Variants in ZCWPW2 observed in about 807,000 individuals in gnomAD.
ZCWPW2 encodes zinc finger CW-type PWWP domain protein 2.
In ZCWPW2, 45 loss-of-function variants were observed where a neutral mutation model predicts 46.6. The observed-to-expected ratio is 0.96, with a 90% CI of 0.76 to 1.24. ZCWPW2 has a LOEUF of 1.24. Among genes scored for constraint, ZCWPW2 ranks in the 50% most tolerant of loss-of-function variants. ZCWPW2 has a pLI of 0.00. For synonymous variants in ZCWPW2, 152 were observed against 137.1 expected (o/e 1.11, Z -0.76); for missense variants, 429 against 403.9 (o/e 1.06, Z -0.53).
Position 28,481,265 on chromosome 3 carries a change from A to T in ZCWPW2, c.610+2334A>T, listed in dbSNP as rs530689229. On this transcript the variant is annotated intron_variant, in intron 5 of 9. Transcript: ENST00000383768. ...AACTTTTATTTATTTATTTTTTTAG[A>T]TGGAGTCTCGCTCTGTTGCCCAGGC... 2.6e-5 allele frequency among the ~76,000 whole-genome samples: 4 copies of T among 152,004 alleles called. No homozygotes were observed. The South Asian group carries it at 8.3e-4, about 32-fold the overall frequency.
At position 28,382,388 on chromosome 3, in the gene ZCWPW2, C is replaced by T. The variant is rs555472867; in HGVS notation, c.-133-8110C>T. On this transcript the variant is annotated intron_variant, in intron 1 of 9. Coordinates refer to ENST00000383768, the MANE Select transcript of ZCWPW2 (RefSeq NM_001040432.4). ...GTCTGTGTCCAAATTTCCTCTTCTT[C>T]CAAGGACACTAGACATATTGGATTA... Among the ~76,000 whole-genome samples, 6 of 152,164 alleles carry T rather than the reference C, an allele frequency of 3.9e-5. No homozygotes were observed. The East Asian group carries it at 1.2e-3, about 30-fold the overall frequency.
chr3:28,396,201 C>T (rs961249169), intron 2 of ZCWPW2, among the ~76,000 whole-genome samples: 2 of 152,026 alleles, frequency 1.3e-5, no homozygotes, highest in Non-Finnish European at 2.9e-5. Flanking sequence ...CACAGAGGTC[C>T]TCTAGAGATT....
chr3:28,420,842 C>G (rs1254805591), intron 3 of ZCWPW2, among the ~76,000 whole-genome samples: 1 of 151,952 alleles, frequency 6.6e-6, no homozygotes, highest in Non-Finnish European at 1.5e-5. Context: ...AGTTCATTTT[C>G]TCTCTGTTGT....
In ZCWPW2 at chr3:28,484,345, G is replaced by A. The variant is rs570961655; in HGVS notation, c.610+5414G>A. On this transcript the variant is annotated intron_variant, in intron 5 of 9. Coordinates refer to ENST00000383768, the MANE Select transcript of ZCWPW2 (RefSeq NM_001040432.4). ...GCTTATATCTTCTGGAAAAGGTTAC[G>A]GAGAATTGGCATAATTTCTTCCTAT... Among the ~76,000 whole-genome samples, 7 of 152,162 alleles carry A rather than the reference G, an allele frequency of 4.6e-5. No individual in the cohort carries two copies. In the East Asian group the frequency reaches 5.8e-4, roughly 13 times the overall value.
rs138501437 is a variant in ZCWPW2, at chr3:28,508,637, C to T, written c.658-5427C>T. Among the ~76,000 whole-genome samples the T allele has an allele frequency of 1.8e-4, 27 of 152,210 alleles. No individual in the cohort carries two copies. In the East Asian group the frequency reaches 4.6e-3, roughly 26 times the overall value. ...GGTTCAAGCAATTCTCGTGCTTCAG[C>T]CTCCTGAGTAGCTTCAGCCTCCTGA... On this transcript the variant is annotated intron_variant, in intron 6 of 9. Transcript: ENST00000383768.
intron 2 of ZCWPW2, among the ~76,000 whole-genome samples, chr3:28,407,138 A>G (rs1255353423): frequency 1.3e-5 from 2 of 152,030 alleles, no homozygotes; most frequent in East Asian, 1.9e-4. Flanking sequence ...GTTTCCTCCT[A>G]TGTGCTCCTT....
chr3:28,364,464 TG>T (rs1269371270), intron 1 of ZCWPW2, among the ~76,000 whole-genome samples: 1 of 152,126 alleles, frequency 6.6e-6, no homozygotes, highest in African/African-American at 2.4e-5. Flanking sequence ...TTTTTTCCTC[TG>T]GGTAGATACC....
chr3:28,367,136 CTCTT>C (rs1211239846), intron 1 of ZCWPW2, among the ~76,000 whole-genome samples: 1 of 152,132 alleles, frequency 6.6e-6, no homozygotes, highest in Non-Finnish European at 1.5e-5. Context: ...TTTTGTGTCT[CTCTT>C]TCCTTCAGTT....
chr3:28,510,271 A>G (rs76540731), intron 6 of ZCWPW2, among the ~76,000 whole-genome samples: 2 of 152,202 alleles, frequency 1.3e-5, no homozygotes, highest in African/African-American at 4.8e-5. Context: ...ACCCTTTGCA[A>G]TTGCTCCTTC....
chr3:28,475,714 A>AT (rs1316726765), intron 4 of ZCWPW2, among the ~76,000 whole-genome samples: 4 of 151,914 alleles, frequency 2.6e-5, no homozygotes, highest in African/African-American at 7.3e-5. Flanking sequence ...ACATTAGAGG[A>AT]TTTTTTTCTC....
intron 4 of ZCWPW2, among the ~76,000 whole-genome samples, chr3:28,472,057 T>C (rs1310399999): frequency 6.6e-6 from 1 of 152,126 alleles, no homozygotes; most frequent in Non-Finnish European, 1.5e-5. Context: ...CTGTAAAACA[T>C]TGATGCAAGA....
At chr3:28,470,796 A>G (rs1041418350) in intron 4 of ZCWPW2, among the ~76,000 whole-genome samples, 2 of 152,140 alleles carry the variant, frequency 1.3e-5, no homozygotes, top group African/African-American at 4.8e-5. Context: ...ATAGAAACAT[A>G]AAATACAAAA....
At chr3:28,442,396 C>T (rs921458959) in intron 4 of ZCWPW2, among the ~76,000 whole-genome samples, 1 of 152,176 alleles carries the variant, frequency 6.6e-6, no homozygotes, top group Non-Finnish European at 1.5e-5. Flanking sequence ...ACCAATAAGT[C>T]CAGTGTGTTT....
intron 2 of ZCWPW2, among the ~76,000 whole-genome samples, chr3:28,406,826 CTTTTT>C (rs11337849): frequency 8.3e-6 from 1 of 119,978 alleles, no homozygotes; most frequent in Non-Finnish European, 1.7e-5. Flanking sequence ...TCTTTTTTTT[CTTTTT>C]TTTTTTTTTT....
intron 4 of ZCWPW2, among the ~76,000 whole-genome samples, chr3:28,446,185 A>G (rs1038806308): frequency 6.6e-6 from 1 of 152,108 alleles, no homozygotes; most frequent in Non-Finnish European, 1.5e-5. Flanking sequence ...TTTAACAGGC[A>G]TGTACAAAAC....
In ZCWPW2 at chr3:28,366,612, G is replaced by A. The variant is rs1167801209; in HGVS notation, c.-134+17409G>A. The stretch of plus-strand genomic sequence containing the variant: ...TATTGGTCTAAAATTCTCTTTTTTT[G>A]TTGTGTCTCTGCCACACTTTGGTAT... On this transcript the variant is annotated intron_variant, in intron 1 of 9. Transcript: ENST00000383768. 4.8e-5 allele frequency among the ~76,000 whole-genome samples: 7 copies of A among 145,730 alleles called. No homozygotes were observed. The South Asian group carries it at 1.4e-3, about 28-fold the overall frequency.
At chr3:28,484,372 T>A (rs1449786637) in intron 5 of ZCWPW2, among the ~76,000 whole-genome samples, 1 of 152,198 alleles carries the variant, frequency 6.6e-6, no homozygotes, top group African/African-American at 2.4e-5. Context: ...TCTTCCTATA[T>A]GTTTGATAGC....
At chr3:28,474,620 T>TGTGTGTGTGTGTGTGC (rs777191108) in intron 4 of ZCWPW2, among the ~76,000 whole-genome samples, 2 of 121,630 alleles carry the variant, frequency 1.6e-5, no homozygotes, top group South Asian at 3.0e-4. Context: ...TGTGTGTGTG[T>TGTGTGTGTGTGTGTGC]GCGCGCGCGC....
intron 1 of ZCWPW2, among the ~76,000 whole-genome samples, chr3:28,382,990 TAAGGTTTTGCC>T (rs1695155043): frequency 6.6e-6 from 1 of 152,190 alleles, no homozygotes; most frequent in South Asian, 2.1e-4. Context: ...AATTCTGAAT[TAAGGTTTTGCC>T]AAGGTTTTGA....
Sources: gnomAD v4.1 joint callset for allele counts (sites outside exome capture counted in the v4.1 genomes callset) on GRCh38, gnomAD v4.1.1 for gene constraint, MANE v1.5 for transcripts, NCBI Gene and HGNC (gene_info 2026-07-23, HGNC 2026-07-21) for gene names.